The following GRIN2A variants were observed in gnomAD, a reference collection of about 807,000 sequenced individuals.
GRIN2A encodes glutamate ionotropic receptor NMDA type subunit 2A.
GRIN2A carries 22 observed loss-of-function variants against 113.4 expected under a neutral mutation model. That is an observed-to-expected ratio of 0.19 (90% CI 0.14 to 0.28). GRIN2A has a LOEUF of 0.28. Ranked by LOEUF, GRIN2A falls within the 10% of genes least tolerant of loss-of-function variation. The pLI is 1.00. For synonymous variants in GRIN2A, 827 were observed against 738.4 expected, an observed-to-expected ratio of 1.12 and a Z score of -1.94; for missense variants, 1,502 against 1,887.0, an observed-to-expected ratio of 0.80 and a Z score of 3.78.
At chr16:9,984,364 T>C (rs953584841) in intron 2 of GRIN2A, among the ~76,000 whole-genome samples, 57 of 152,162 alleles carry the variant, frequency 3.7e-4, no homozygotes, top group Non-Finnish European at 1.2e-4. Context: ...GCAGAAGCTT[T>C]TACATTTGTC....
intron 4 of GRIN2A, among the ~76,000 whole-genome samples, chr16:9,884,314 TG>T (rs2043546532): frequency 6.6e-6 from 1 of 152,190 alleles, no homozygotes; most frequent in Non-Finnish European, 1.5e-5. Context: ...ATTGGGAAGC[TG>T]AAGCCGGTGG....
At chr16:9,985,696 T>C (rs79701169) in intron 2 of GRIN2A, among the ~76,000 whole-genome samples, 2,480 of 151,728 alleles carry the variant, frequency 0.016, 43 homozygotes, top group Non-Finnish European at 0.023. Context: ...TACCAGAGGC[T>C]AGGAAGGGTA....
At chr16:10,115,430 ACTCCT>A (rs1245563445) in intron 2 of GRIN2A, among the ~76,000 whole-genome samples, 1 of 151,986 alleles carries the variant, frequency 6.6e-6, no homozygotes, top group African/African-American at 2.4e-5. Flanking sequence ...TGTTGACCCC[ACTCCT>A]CTCTTGTCTT....
At chr16:10,035,324 C>G (rs1020078115) in intron 2 of GRIN2A, among the ~76,000 whole-genome samples, 1 of 152,206 alleles carries the variant, frequency 6.6e-6, no homozygotes, top group South Asian at 2.1e-4. Context: ...CCACTCCCCA[C>G]CCATCCTCAC....
At chr16:9,767,658 AATAG>A (rs1450078838) in intron 12 of GRIN2A, among the ~76,000 whole-genome samples, 8 of 152,242 alleles carry the variant, frequency 5.3e-5, no homozygotes, top group African/African-American at 1.4e-4. Flanking sequence ...TGAGTGGATA[AATAG>A]ATGGATGCAT....
intron 5 of GRIN2A, among the ~76,000 whole-genome samples, chr16:9,843,536 A>G (rs1206141751): frequency 6.6e-6 from 1 of 152,160 alleles, no homozygotes; most frequent in Non-Finnish European, 1.5e-5. Context: ...GTTGTAAATG[A>G]CACCTGCTTA....
At chr16:9,980,109 A>T (rs1280259325) in intron 2 of GRIN2A, among the ~76,000 whole-genome samples, 1 of 151,776 alleles carries the variant, frequency 6.6e-6, no homozygotes, top group Admixed American at 6.6e-5. Flanking sequence ...AACAAAAAAA[A>T]CAGAAAAAGA....
intron 2 of GRIN2A, among the ~76,000 whole-genome samples, chr16:10,169,746 G>A (rs1277247120): frequency 6.6e-6 from 1 of 152,056 alleles, no homozygotes; most frequent in Non-Finnish European, 1.5e-5. Context: ...AGACACTGTT[G>A]GTCAAAGACT....
rs144066599 is a variant in GRIN2A at position 10,125,321 on chromosome 16, C to T, written c.414+54677G>A. On this transcript the variant is annotated intron_variant, in intron 2 of 12. Coordinates refer to ENST00000330684, the MANE Select transcript of GRIN2A (RefSeq NM_001134407.3). Reference sequence around the variant, plus strand: ...CTTTTTGCATTTATTGTCGAAGAAGCAGGGGCAGCAAAGAATATTTGGCTT... The same window carrying T: ...CTTTTTGCATTTATTGTCGAAGAAGTAGGGGCAGCAAAGAATATTTGGCTT... Among the ~76,000 whole-genome samples, 534 of 152,204 alleles carry T rather than the reference C, an allele frequency of 3.5e-3. 7 individuals are homozygous for T. Among genetic ancestry groups the T allele is most frequent in the Admixed American group, 0.023 (346 of 15,282 alleles).
intron 2 of GRIN2A, among the ~76,000 whole-genome samples, chr16:10,029,922 G>A (rs916866122): frequency 3.9e-5 from 6 of 152,074 alleles, no homozygotes; most frequent in Admixed American, 2.0e-4. Context: ...GCTTGAACCC[G>A]GGAGGCAGAG....
intron 3 of GRIN2A, among the ~76,000 whole-genome samples, chr16:9,921,940 A>T (rs115952283): frequency 1.1e-3 from 173 of 152,352 alleles, no homozygotes; most frequent in African/African-American, 4.0e-3. Context: ...GAAGTAATTT[A>T]TTTTGATTTT....
At chr16:10,090,854 C>T (rs1330740821) in intron 2 of GRIN2A, among the ~76,000 whole-genome samples, 4 of 151,806 alleles carry the variant, frequency 2.6e-5, no homozygotes, top group African/African-American at 9.7e-5. Context: ...ACAAACAGCT[C>T]AAAAATAAGA....
chr16:10,087,311 C>T (rs1727353454), intron 2 of GRIN2A, among the ~76,000 whole-genome samples: 1 of 152,236 alleles, frequency 6.6e-6, no homozygotes, highest in Non-Finnish European at 1.5e-5. Context: ...TACAGGACTC[C>T]TCCCTACTGG....
At chr16:10,111,749 C>A in intron 2 of GRIN2A, 1 of 1,516,312 alleles carries the variant, frequency 6.6e-7, no homozygotes. Context: ...GTGCTGAGCC[C>A]CTCACACACT....
In GRIN2A at chr16:10,015,264, AAAAAAAAGAAAAAAAAAAAG is replaced by A. The variant is rs1270468062; in HGVS notation, c.415-76733_415-76714del. On this transcript the variant is annotated intron_variant, in intron 2 of 12. Transcript: ENST00000330684. ...CAAGACTTCATCTCAAAAAAAAAAA[AAAAAAAAGAAAAAAAAAAAG>A]AAAAAGAAAGGAAAGGAAAAGAAAA... Among the ~76,000 whole-genome samples, 638 of 134,608 alleles carry A rather than the reference AAAAAAAAGAAAAAAAAAAAG, an allele frequency of 4.7e-3. 11 individuals carry two copies. The highest frequency in any genetic ancestry group is 0.018 in the African/African-American group (606 of 34,496). The allele number at this position is 134,608 out of a possible 152,430, so 88.3% of individuals were successfully genotyped here.
intron 11 of GRIN2A, among the ~76,000 whole-genome samples, chr16:9,776,813 T>C (rs1567288854): frequency 1.3e-5 from 2 of 151,954 alleles, no homozygotes; most frequent in Non-Finnish European, 2.9e-5. Flanking sequence ...GAATTGGAAA[T>C]GGCAAAGGAA....
intron 10 of GRIN2A, among the ~76,000 whole-genome samples, chr16:9,821,855 C>A (rs2072450): frequency 0.097 from 14,707 of 152,176 alleles, 890 homozygotes; most frequent in East Asian, 0.16. Flanking sequence ...TTAGTTTTTT[C>A]ATAAAGCTCC....
At chr16:9,950,373 C>T (rs549277862) in intron 2 of GRIN2A, among the ~76,000 whole-genome samples, 1 of 152,170 alleles carries the variant, frequency 6.6e-6, no homozygotes, top group East Asian at 1.9e-4. Context: ...GCCCTTGGAC[C>T]TCATGGTTAC....
At chr16:9,831,040 G>T (rs149826005) in intron 8 of GRIN2A, among the ~76,000 whole-genome samples, 8 of 152,262 alleles carry the variant, frequency 5.3e-5, no homozygotes, top group African/African-American at 1.9e-4. Flanking sequence ...CTATGACTGG[G>T]CCATATAACT....
Sources: gnomAD v4.1 joint callset for allele counts (sites outside exome capture counted in the v4.1 genomes callset) on GRCh38, gnomAD v4.1.1 for gene constraint, MANE v1.5 for transcripts, NCBI Gene and HGNC (gene_info 2026-07-23, HGNC 2026-07-21) for gene names.